Variants in GDAP1 observed in about 807,000 individuals in gnomAD.
The protein encoded by GDAP1 is ganglioside-induced differentiation-associated protein 1.
GDAP1 carries 34 observed loss-of-function variants against 40.1 expected under a neutral mutation model. The observed-to-expected ratio is 0.85, with a 90% CI of 0.64 to 1.13. The LOEUF is 1.13. GDAP1 is among the 50% of genes most tolerant of loss of function. GDAP1 has a pLI of 0.00. For synonymous variants in GDAP1, 170 were observed against 157.4 expected (o/e 1.08, Z -0.60); for missense variants, 374 against 433.7 (o/e 0.86, Z 1.22).
At chr8:74,375,526 T>C (rs1809838793) in intron 2 of GDAP1, among the ~76,000 whole-genome samples, 1 of 152,138 alleles carries the variant, frequency 6.6e-6, no homozygotes, top group South Asian at 2.1e-4. Context: ...CAAATAAAGA[T>C]GAAACATCAT....
In GDAP1 at chr8:74,420,774, T is replaced by A. The variant is rs75507133; in HGVS notation, c.166-67904T>A. 7.9e-4 allele frequency among the ~76,000 whole-genome samples: 121 copies of A among 152,244 alleles called. 1 individual carries two copies. The East Asian group carries it at 0.021, about 27-fold the overall frequency. ...TAGTAGAAATGGGACCAAAGTGTGT[T>A]CATTGTAAATTACACTGTGGTATAC... On this transcript the variant is annotated intron_variant, in intron 2 of 2. Transcript: ENST00000523640.
Position 74,366,063 on chromosome 8 carries a change from A to G in GDAP1, c.*1696A>G, listed in dbSNP as rs1469790166. On this transcript the variant is annotated 3_prime_UTR_variant, in exon 6 of 6. Transcript: ENST00000220822. ...TTATAAAAACCTCTGAAGGATATTT[A>G]CCTATGAAAAAGTTGTTAAGAATAA... The G allele has an allele frequency of 2.3e-6, 1 of 442,632 alleles. No individual in the cohort carries two copies. Among genetic ancestry groups the G allele is most frequent in the South Asian group, 1.6e-5 (1 of 60,914 alleles). The allele number at this position is 442,632 out of a possible 1,614,324, so 27.4% of individuals were successfully genotyped here.
intron 2 of GDAP1, among the ~76,000 whole-genome samples, chr8:74,372,440 G>A (rs1231523215): frequency 1.3e-5 from 2 of 152,138 alleles, no homozygotes; most frequent in African/African-American, 4.8e-5. Context: ...GTTGTTTCCT[G>A]ACTTTTTAAT....
chr8:74,398,253 T>A (rs1810245265), intron 2 of GDAP1, among the ~76,000 whole-genome samples: 1 of 152,168 alleles, frequency 6.6e-6, no homozygotes, highest in East Asian at 1.9e-4. Flanking sequence ...CTTTGTTGGT[T>A]TAAAGTCTGT....
chr8:74,384,094 C>A (rs1462328109), intron 2 of GDAP1, among the ~76,000 whole-genome samples: 2 of 152,130 alleles, frequency 1.3e-5, no homozygotes, highest in Non-Finnish European at 2.9e-5. Context: ...AGACAATGCA[C>A]TGATAACTGC....
chr8:74,386,567 A>T lies in GDAP1; in HGVS notation c.165+35246A>T, dbSNP rs145738262. 3.5e-3 allele frequency among the ~76,000 whole-genome samples: 529 copies of T among 152,284 alleles called. 4 individuals carry two copies. Among genetic ancestry groups the T allele is most frequent in the African/African-American group, 0.011 (437 of 41,560 alleles). On this transcript the variant is annotated intron_variant, in intron 2 of 2. Transcript: ENST00000523640. ...ATATCTCTGTTTTGGTACCAGTACCATGCGATTTTTGTTACTGTAGCCTTG... is the reference window on the plus strand; with the variant it reads ...ATATCTCTGTTTTGGTACCAGTACCTTGCGATTTTTGTTACTGTAGCCTTG...
intron 3 of GDAP1, 115 bp from the exon 4 acceptor site, chr8:74,361,769 G>A: frequency 1.4e-6 from 1 of 722,196 alleles, no homozygotes; most frequent in South Asian, 1.5e-5. Context: ...AGGCAGAGAA[G>A]CAGGGCATGA....
chr8:74,417,611 G>T (rs755005859), intron 2 of GDAP1, among the ~76,000 whole-genome samples: 1 of 149,520 alleles, frequency 6.7e-6, no homozygotes, highest in East Asian at 1.9e-4. Context: ...ACAAAAATTA[G>T]CTGGGTGTGG....
In GDAP1 at chr8:74,396,370, T is replaced by C. The variant is rs182818361; in HGVS notation, c.165+45049T>C. Among the ~76,000 whole-genome samples the C allele has an allele frequency of 2.0e-5, 3 of 152,006 alleles. No individual in the cohort carries two copies. In the East Asian group the frequency reaches 5.8e-4, roughly 29 times the overall value. ...TCCTTTTATTTTATTATTATTATTATTATACTTTAAGTTTTAGGGTACATG... is the reference window on the plus strand; with the variant it reads ...TCCTTTTATTTTATTATTATTATTACTATACTTTAAGTTTTAGGGTACATG... On this transcript the variant is annotated intron_variant, in intron 2 of 2. Coordinates refer to the GDAP1 transcript ENST00000523640.
rs1454329455 is a variant in GDAP1 at position 74,365,923 on chromosome 8, C to G, written c.*1556C>G. 2.0e-5 allele frequency: 9 copies of G among 453,646 alleles called. No individual in the cohort carries two copies. Among genetic ancestry groups the G allele is most frequent in the South Asian group, 1.4e-4 (9 of 64,260 alleles). The allele number at this position is 453,646 out of a possible 1,614,324, so 28.1% of individuals were successfully genotyped here. A position where few individuals can be genotyped will look rare whatever the true frequency, so the allele number is the denominator to read the frequency against. On this transcript the variant is annotated 3_prime_UTR_variant, in exon 6 of 6. Coordinates refer to ENST00000220822, the MANE Select transcript of GDAP1 (RefSeq NM_018972.4). ...GAATCTGTTGCTGGGACATACCAATCCATGTATTCATTAGAGCCATAGAAG... is the reference window on the plus strand; with the variant it reads ...GAATCTGTTGCTGGGACATACCAATGCATGTATTCATTAGAGCCATAGAAG...
chr8:74,456,035 TTTA>T (rs1806332497), intron 2 of GDAP1, among the ~76,000 whole-genome samples: 1 of 151,996 alleles, frequency 6.6e-6, no homozygotes, highest in Non-Finnish European at 1.5e-5. Context: ...CTCTGTCATA[TTTA>T]TGTAGAAAAT....
rs865783310 is a variant in GDAP1, at chr8:74,397,968, T to C, written c.165+46647T>C. Among the ~76,000 whole-genome samples, 42 of 152,090 alleles carry C rather than the reference T, an allele frequency of 2.8e-4. No individual in the cohort carries two copies. In the Middle Eastern group the frequency reaches 0.031, roughly 111 times the overall value. The stretch of plus-strand genomic sequence containing the variant: ...GGACAGTATGGCCATTTTCACGATA[T>C]TGATTCTTCCTACCCATGAGCATGG... On this transcript the variant is annotated intron_variant, in intron 2 of 2. Transcript: ENST00000523640.
chr8:74,390,519 C>G (rs1456937936), intron 2 of GDAP1, among the ~76,000 whole-genome samples: 1 of 152,234 alleles, frequency 6.6e-6, no homozygotes, highest in Non-Finnish European at 1.5e-5. Flanking sequence ...GGCTGCAGAA[C>G]AGCAAAGATT....
intron 2 of GDAP1, among the ~76,000 whole-genome samples, chr8:74,392,420 C>T (rs1810124162): frequency 1.3e-5 from 2 of 152,120 alleles, no homozygotes; most frequent in South Asian, 2.1e-4. Flanking sequence ...CCTAAATGGA[C>T]AATTTGTATG....
intron 2 of GDAP1, among the ~76,000 whole-genome samples, chr8:74,415,238 G>A (rs969186229): frequency 6.7e-6 from 1 of 150,130 alleles, no homozygotes. Context: ...ATATACCTGG[G>A]TAAACATAAT....
At chr8:74,360,097 G>C (rs747293149) in intron 2 of GDAP1, 40 bp from the exon 3 acceptor site, 3 of 1,477,418 alleles carry the variant, frequency 2.0e-6, no homozygotes, top group Non-Finnish European at 2.8e-6. Flanking sequence ...AACAACTCAT[G>C]TGTAACTTTT....
rs542978130 is a variant in GDAP1, at chr8:74,365,933, A to G, written c.*1566A>G. ...CTGGGACATACCAATCCATGTATTC[A>G]TTAGAGCCATAGAAGTTATTATTCA... On this transcript the variant is annotated 3_prime_UTR_variant, in exon 6 of 6. Coordinates refer to ENST00000220822, the MANE Select transcript of GDAP1 (RefSeq NM_018972.4). 17 of 453,632 alleles carry G rather than the reference A, an allele frequency of 3.7e-5. No homozygotes were observed. The highest frequency in any genetic ancestry group is 7.5e-5 in the Non-Finnish European group (17 of 226,682). 28.1% of individuals were successfully genotyped at this position (453,632 alleles called of 1,614,324 possible). A position where few individuals can be genotyped will look rare whatever the true frequency, so the allele number is the denominator to read the frequency against.
intron 2 of GDAP1, among the ~76,000 whole-genome samples, chr8:74,439,619 T>C (rs919022030): frequency 1.3e-5 from 2 of 151,994 alleles, no homozygotes; most frequent in Admixed American, 1.3e-4. Context: ...GTTTGTTTTT[T>C]TTAATTTCTA....
At chr8:74,381,274 T>C (rs905731674) in intron 2 of GDAP1, among the ~76,000 whole-genome samples, 1 of 152,144 alleles carries the variant, frequency 6.6e-6, no homozygotes, top group Non-Finnish European at 1.5e-5. Context: ...AATAAAGATG[T>C]TCATGGTAGC....
Sources: allele counts gnomAD v4.1 joint callset (sites outside exome capture counted in the v4.1 genomes callset), GRCh38; gene constraint gnomAD v4.1.1; transcripts MANE v1.5; gene names NCBI Gene and HGNC (gene_info 2026-07-23, HGNC 2026-07-21).